Variants in ARSB observed in about 807,000 individuals in gnomAD.
ARSB encodes N-acetylgalactosamine-4-sulfatase.
In ARSB, 41 loss-of-function variants were observed where a neutral mutation model predicts 50.9. The observed-to-expected ratio is 0.81, with a 90% CI of 0.63 to 1.04. ARSB has a LOEUF of 1.04. Among genes scored for constraint, ARSB ranks in the 50% least tolerant of loss-of-function variants. ARSB has a pLI of 0.00. For missense variants in ARSB, 672 were observed against 693.3 expected, an observed-to-expected ratio of 0.97 and a Z score of 0.35; for synonymous variants, 269 against 284.8, an observed-to-expected ratio of 0.94 and a Z score of 0.56.
chr5:78,961,734 A>G (rs1172642528), intron 3 of ARSB, among the ~76,000 whole-genome samples: 2 of 152,064 alleles, frequency 1.3e-5, no homozygotes, highest in Non-Finnish European at 2.9e-5. Flanking sequence ...AAGGTATGGC[A>G]GATTGTGAAC....
intron 6 of ARSB, among the ~76,000 whole-genome samples, chr5:78,792,191 C>T (rs1439560104): frequency 6.6e-6 from 1 of 152,046 alleles, no homozygotes; most frequent in Non-Finnish European, 1.5e-5. Flanking sequence ...CCAGCCGGGC[C>T]ACTGTGGTAA....
At chr5:78,808,092 C>CAAA (rs36099030) in intron 6 of ARSB, among the ~76,000 whole-genome samples, 5 of 57,766 alleles carry the variant, frequency 8.7e-5, no homozygotes, top group Admixed American at 2.8e-4. Flanking sequence ...GACTCCGTCT[C>CAAA]AAAAAAAAAA....
rs143752425 is a variant in ARSB at position 78,910,254 on chromosome 5, G to T, written c.899-24427C>A. ...CTGTATGCTAAGCACCGGTCTCCTG[G>T]GCCCGCTGTTCTTTCTCTATACTTT... On this transcript the variant is annotated intron_variant, in intron 4 of 7. Coordinates refer to ENST00000264914, the MANE Select transcript of ARSB (RefSeq NM_000046.5). Among the ~76,000 whole-genome samples, 1,308 of 152,270 alleles carry T rather than the reference G, an allele frequency of 8.6e-3. 18 individuals carry two copies. The highest frequency in any genetic ancestry group is 0.03 in the African/African-American group (1,227 of 41,558).
At chr5:78,861,154 C>A (rs556375340) in intron 5 of ARSB, among the ~76,000 whole-genome samples, 5 of 152,024 alleles carry the variant, frequency 3.3e-5, no homozygotes, top group Admixed American at 2.0e-4. Context: ...CAGGACCAGA[C>A]GGATTCACAG....
chr5:78,824,781 G>T (rs1744366876), intron 6 of ARSB, among the ~76,000 whole-genome samples: 1 of 152,116 alleles, frequency 6.6e-6, no homozygotes, highest in African/African-American at 2.4e-5. Context: ...ATAACTATCT[G>T]TGATTTTCTG....
chr5:78,931,457 T>C (rs1386562238), intron 4 of ARSB, among the ~76,000 whole-genome samples: 1 of 152,148 alleles, frequency 6.6e-6, no homozygotes, highest in East Asian at 1.9e-4. Context: ...CGCTCATTCA[T>C]GAATGCATAT....
intron 5 of ARSB, among the ~76,000 whole-genome samples, chr5:78,878,280 A>G (rs1747581075): frequency 6.6e-6 from 1 of 152,154 alleles, no homozygotes; most frequent in African/African-American, 2.4e-5. Context: ...AAAAAGTGAG[A>G]GTTGTCAAGA....
chr5:78,851,980 A>G (rs1460108999), intron 5 of ARSB, among the ~76,000 whole-genome samples: 1 of 152,092 alleles, frequency 6.6e-6, no homozygotes, highest in Non-Finnish European at 1.5e-5. Flanking sequence ...GGTTTCCTGA[A>G]TACAGCACAC....
intron 4 of ARSB, among the ~76,000 whole-genome samples, chr5:78,921,384 A>T (rs1043206652): frequency 2.7e-5 from 4 of 148,410 alleles, no homozygotes; most frequent in Admixed American, 6.8e-5. Context: ...GTGTGTGTGT[A>T]TACACACACA....
chr5:78,925,914 C>T (rs1217478704), intron 4 of ARSB, among the ~76,000 whole-genome samples: 4 of 151,948 alleles, frequency 2.6e-5, no homozygotes, highest in African/African-American at 9.7e-5. Context: ...ATAATAACAA[C>T]CCTCTTTTTT....
At chr5:78,822,976 G>A (rs1744296711) in intron 6 of ARSB, among the ~76,000 whole-genome samples, 1 of 152,160 alleles carries the variant, frequency 6.6e-6, no homozygotes, top group African/African-American at 2.4e-5. Context: ...TTACACAACT[G>A]AGATACTGAA....
chr5:78,946,904 C>G (rs1751260778), intron 4 of ARSB, among the ~76,000 whole-genome samples: 1 of 152,040 alleles, frequency 6.6e-6, no homozygotes, highest in East Asian at 1.9e-4. Context: ...GTAACCAAAA[C>G]AGCACGGTAC....
intron 3 of ARSB, 97 bp downstream of exon 3, chr5:78,964,319 G>C: frequency 3.3e-6 from 4 of 1,226,266 alleles, no homozygotes; most frequent in Middle Eastern, 2.4e-4. Flanking sequence ...GAATTTATTA[G>C]ATTTTTCCCT....
At chr5:78,863,505 G>T (rs1160355039) in intron 5 of ARSB, among the ~76,000 whole-genome samples, 1 of 150,580 alleles carries the variant, frequency 6.6e-6, no homozygotes, top group Non-Finnish European at 1.5e-5. Context: ...ACTATAGCAA[G>T]GACAGAAAAC....
intron 5 of ARSB, among the ~76,000 whole-genome samples, chr5:78,864,787 T>C (rs1746628264): frequency 6.6e-6 from 1 of 152,204 alleles, no homozygotes; most frequent in Non-Finnish European, 1.5e-5. Flanking sequence ...AATCCGACCA[T>C]TCCAAATGGG....
At chr5:78,956,823 T>C (rs1305447750) in intron 3 of ARSB, among the ~76,000 whole-genome samples, 3 of 152,298 alleles carry the variant, frequency 2.0e-5, no homozygotes, top group East Asian at 1.9e-4. Flanking sequence ...CAATTTCCTA[T>C]TGGAAAACCC....
chr5:78,871,204 T>C lies in ARSB; in HGVS notation c.1142+14380A>G, dbSNP rs893975637. Among the ~76,000 whole-genome samples, 95 of 151,490 alleles carry C rather than the reference T, an allele frequency of 6.3e-4. 1 individual carries two copies. The highest frequency in any genetic ancestry group is 1.2e-3 in the Non-Finnish European group (81 of 67,872). ...TGGAAGAACATTCCATGCTCATGGG[T>C]AGGAAGAATCAATATCGTGAAAATG... On this transcript the variant is annotated intron_variant, in intron 5 of 7. Transcript: ENST00000264914.
Position 78,931,857 on chromosome 5 carries a change from G to T in ARSB, c.898+23438C>A, listed in dbSNP as rs571689808. ...GCTGGTTCTCCCATGCTGTTCACAT[G>T]ATAGTGAGTAAGTTCTCACAAGAGC... On this transcript the variant is annotated intron_variant, in intron 4 of 7. Coordinates refer to ENST00000264914, the MANE Select transcript of ARSB (RefSeq NM_000046.5). Among the ~76,000 whole-genome samples, 3 of 152,208 alleles carry T rather than the reference G, an allele frequency of 2.0e-5. No individual in the cohort carries two copies. The South Asian group carries it at 6.2e-4, about 32-fold the overall frequency.
At chr5:78,935,497 G>A (rs1466896095) in intron 4 of ARSB, among the ~76,000 whole-genome samples, 1 of 152,186 alleles carries the variant, frequency 6.6e-6, no homozygotes, top group Non-Finnish European at 1.5e-5. Flanking sequence ...TTGGCCCGTG[G>A]CAGGTGTGCC....
Sources: gnomAD v4.1 joint callset for allele counts (sites outside exome capture counted in the v4.1 genomes callset) on GRCh38, gnomAD v4.1.1 for gene constraint, MANE v1.5 for transcripts, NCBI Gene and HGNC (gene_info 2026-07-23, HGNC 2026-07-21) for gene names.